PTPN5: variants seen among roughly 807,000 people sequenced by gnomAD.
PTPN5 encodes protein tyrosine phosphatase non-receptor type 5, also known as tyrosine-protein phosphatase non-receptor type 5.
In PTPN5, 29 loss-of-function variants were observed where a neutral mutation model predicts 73.9. The observed-to-expected ratio is 0.39, with a 90% CI of 0.29 to 0.54. The LOEUF (loss-of-function observed/expected upper bound fraction) is 0.54, where lower values mean the gene tolerates loss of function less well. Among genes scored for constraint, PTPN5 ranks in the 20% least tolerant of loss-of-function variants. The probability of loss-of-function intolerance (pLI) is 0.65; values close to 1 mark genes in which losing one functional copy is unlikely to be tolerated. For missense variants in PTPN5, 652 were observed against 751.4 expected, an observed-to-expected ratio of 0.87 and a Z score of 1.55; for synonymous variants, 267 against 304.7, an observed-to-expected ratio of 0.88 and a Z score of 1.29.
Position 18,727,977 on chromosome 11 carries a change from G to A in PTPN5, c.*957C>T, listed in dbSNP as rs1848705359. 1 of 152,594 alleles carries A rather than the reference G, an allele frequency of 6.6e-6. No homozygotes were observed. Among genetic ancestry groups the A allele is most frequent in the Admixed American group, 6.5e-5 (1 of 15,276 alleles). The allele number at this position is 152,594 out of a possible 1,614,324, so 9.5% of individuals were successfully genotyped here. ...TTATTGCTCTATTCAATGACCACGA[G>A]CGAATTATAAAAAGACACCAAATGT... On this transcript the variant is annotated 3_prime_UTR_variant, in exon 15 of 15. Coordinates refer to ENST00000358540, the MANE Select transcript of PTPN5 (RefSeq NM_006906.2).
chr11:18,743,643 G>A, intron 4 of PTPN5: 1 of 598,790 alleles, frequency 1.7e-6, no homozygotes, highest in Non-Finnish European at 3.0e-6. Flanking sequence ...GGAACCAAGA[G>A]AAAGCCCTTT....
intron 9 of PTPN5, among the ~76,000 whole-genome samples, chr11:18,737,539 T>C (rs944513041): frequency 1.3e-5 from 2 of 152,214 alleles, no homozygotes; most frequent in Non-Finnish European, 2.9e-5. Context: ...AAGCCTTAAC[T>C]TCCTTTCCTT....
chr11:18,779,429 C>G (rs888226521), intron 1 of PTPN5, among the ~76,000 whole-genome samples: 4 of 152,092 alleles, frequency 2.6e-5, no homozygotes, highest in African/African-American at 4.8e-5. Context: ...TTGAAAGGAG[C>G]CTGACCTCTT....
intron 1 of PTPN5, among the ~76,000 whole-genome samples, chr11:18,778,550 C>T (rs1315702686): frequency 2.0e-5 from 3 of 152,204 alleles, no homozygotes; most frequent in African/African-American, 2.4e-5. Context: ...GCCATCCTGA[C>T]GAGAGTTCTC....
intron 8 of PTPN5, among the ~76,000 whole-genome samples, chr11:18,739,516 C>T (rs893348666): frequency 2.6e-5 from 4 of 152,098 alleles, no homozygotes; most frequent in Non-Finnish European, 4.4e-5. Context: ...TGGGGCCACA[C>T]GAGGTAAGGG....
Position 18,742,861 on chromosome 11 carries a change from G to T in PTPN5, c.483+131C>A. The T allele has an allele frequency of 1.4e-6, 1 of 714,398 alleles. No individual in the cohort carries two copies. Among genetic ancestry groups the T allele is most frequent in the South Asian group, 1.8e-5 (1 of 54,718 alleles). 44.3% of individuals were successfully genotyped at this position (714,398 alleles called of 1,614,324 possible). A position where few individuals can be genotyped will look rare whatever the true frequency, so the allele number is the denominator to read the frequency against. On this transcript the variant is annotated intron_variant, in intron 6 of 14. Coordinates refer to ENST00000358540, the MANE Select transcript of PTPN5 (RefSeq NM_006906.2). The surrounding 1 kb of genome is among the most constrained non-coding windows in gnomAD (Gnocchi z 4.1). ...TCTTGCCCCAGGCTGGCACACTTGT[G>T]CAAAGAGATAGGTATCCCTCCTTGC...
intron 3 of PTPN5, among the ~76,000 whole-genome samples, chr11:18,763,454 G>A (rs1417009832): frequency 6.6e-6 from 1 of 152,220 alleles, no homozygotes; most frequent in East Asian, 1.9e-4. Context: ...CCTCTCATCT[G>A]TAAGAAGGGG....
chr11:18,769,548 G>A (rs974764144), intron 2 of PTPN5, among the ~76,000 whole-genome samples: 19 of 152,114 alleles, frequency 1.2e-4, no homozygotes, highest in African/African-American at 4.6e-4. Context: ...GATTACAGGT[G>A]CCTGCCACTA....
intron 11 of PTPN5, 67 bp from the exon 12 acceptor site, chr11:18,732,769 C>T: frequency 7.4e-7 from 1 of 1,356,448 alleles, no homozygotes; most frequent in Non-Finnish European, 1.0e-6. Context: ...ACACTCTCTT[C>T]AGGGCCAGCG....
At chr11:18,745,104 C>G (rs1849555581) in intron 3 of PTPN5, among the ~76,000 whole-genome samples, 1 of 152,230 alleles carries the variant, frequency 6.6e-6, no homozygotes, top group Admixed American at 6.5e-5. Flanking sequence ...CATGGGGATT[C>G]TAGCTGCGGC....
Position 18,732,525 on chromosome 11 carries a change from C to A in PTPN5, c.1329+67G>T, listed in dbSNP as rs1590478763. 1.1e-5 allele frequency: 13 copies of A among 1,198,558 alleles called. No individual in the cohort carries two copies. In the East Asian group the frequency reaches 3.0e-4, roughly 28 times the overall value. 74.2% of individuals were successfully genotyped at this position (1,198,558 alleles called of 1,614,324 possible). On this transcript the variant is annotated intron_variant, in intron 12 of 14. Coordinates refer to ENST00000358540, the MANE Select transcript of PTPN5 (RefSeq NM_006906.2). ...ACAGTGGACTTGGGGGACCTGTTCT[C>A]TGTGGAGCCCCCAGTTAAGCCCCTA...
chr11:18,740,535 C>G (rs944249512), intron 8 of PTPN5, 68 bp downstream of exon 8: 10 of 1,337,456 alleles, frequency 7.5e-6, no homozygotes, highest in African/African-American at 4.5e-5. Flanking sequence ...CCACGCTCCA[C>G]CACCTGGGCA....
chr11:18,748,670 T>C (rs1276954135), intron 3 of PTPN5, among the ~76,000 whole-genome samples: 3 of 152,044 alleles, frequency 2.0e-5, no homozygotes, highest in Non-Finnish European at 4.4e-5. Context: ...GTGATGGAAA[T>C]TGGTGTTAGT....
intron 3 of PTPN5, among the ~76,000 whole-genome samples, chr11:18,756,294 CTTTTTTTTT>C (rs552226983): frequency 9.0e-6 from 1 of 111,036 alleles, no homozygotes; most frequent in Non-Finnish European, 1.8e-5. Context: ...ACATCCTTCA[CTTTTTTTTT>C]TTTTTTTTTT....
At position 18,742,557 on chromosome 11, in the gene PTPN5, G is replaced by GT. The variant is rs1849417398; in HGVS notation, c.484-55dup. On this transcript the variant is annotated intron_variant, in intron 6 of 14. Transcript: ENST00000358540. The surrounding 1 kb of genome is among the most constrained non-coding windows in gnomAD (Gnocchi z 4.1). Reference sequence around the variant, plus strand: ...TCGGACCACGCTGGCTGCCCCCCGTGTTCCTGGAGTGCCCATGGGATTGAC... The same window carrying GT: ...TCGGACCACGCTGGCTGCCCCCCGTGTTTCCTGGAGTGCCCATGGGATTGAC... 30 of 1,596,802 alleles carry GT rather than the reference G, an allele frequency of 1.9e-5. No homozygotes were observed. The highest frequency in any genetic ancestry group is 1.5e-4 in the Admixed American group (9 of 59,652).
In PTPN5 at chr11:18,729,099, T is replaced by C; in HGVS notation, c.1605-72A>G. ...GCTGTGGGAGGTGCCCCAAAAGCCATGGAGTAGCAATCACTTGCCAGGCCT... is the reference window on the plus strand; with the variant it reads ...GCTGTGGGAGGTGCCCCAAAAGCCACGGAGTAGCAATCACTTGCCAGGCCT... On this transcript the variant is annotated intron_variant, in intron 14 of 14. Transcript: ENST00000358540. The surrounding 1 kb of genome is among the most constrained non-coding windows in gnomAD (Gnocchi z 5.2). The C allele has an allele frequency of 1.3e-6, 2 of 1,516,340 alleles. No homozygotes were observed. Among genetic ancestry groups the C allele is most frequent in the Non-Finnish European group, 1.8e-6 (2 of 1,107,098 alleles). 93.9% of individuals were successfully genotyped at this position (1,516,340 alleles called of 1,614,324 possible). A position where few individuals can be genotyped will look rare whatever the true frequency, so the allele number is the denominator to read the frequency against.
Position 18,733,942 on chromosome 11 carries a change from C to G in PTPN5, c.1001-307G>C, listed in dbSNP as rs7116297. 0.28 allele frequency among the ~76,000 whole-genome samples: 42,335 copies of G among 152,102 alleles called. 6,490 individuals carry two copies. Among genetic ancestry groups the G allele is most frequent in the African/African-American group, 0.4 (16,516 of 41,480 alleles). On this transcript the variant is annotated intron_variant, in intron 9 of 14. Coordinates refer to ENST00000358540, the MANE Select transcript of PTPN5 (RefSeq NM_006906.2). This position sits in a 1 kb window ranked among gnomAD's most constrained non-coding sequence, Gnocchi z 4.3. ...TCTGGAGAGGAGACAGCTAAGTCAA[C>G]AATGGAATTACCTAGGGAAATTCCT...
chr11:18,743,988 G>C lies in PTPN5; in HGVS notation c.291+18C>G. On this transcript the variant is annotated intron_variant, in intron 4 of 14. Transcript: ENST00000358540. ...CCACCCTCTCTCCAGACCCTTGTGA[G>C]GCCTGTGCCATCCTTACCAGGAACT... is the stretch of plus-strand genomic sequence containing the variant. 1.3e-6 allele frequency: 2 copies of C among 1,579,194 alleles called. No individual in the cohort carries two copies. The highest frequency in any genetic ancestry group is 1.2e-5 in the South Asian group (1 of 85,604).
At chr11:18,741,715 G>A (rs1020639898) in intron 7 of PTPN5, among the ~76,000 whole-genome samples, 1 of 152,128 alleles carries the variant, frequency 6.6e-6, no homozygotes, top group African/African-American at 2.4e-5. Context: ...GGGACTACTA[G>A]AGGAGGGAGG....
Sources: allele counts gnomAD v4.1 joint callset (sites outside exome capture counted in the v4.1 genomes callset), GRCh38; gene constraint gnomAD v4.1.1; non-coding constraint Gnocchi (gnomAD v3.1); transcripts MANE v1.5; gene names NCBI Gene and HGNC (gene_info 2026-07-23, HGNC 2026-07-21).